FBXL13: variants seen among roughly 807,000 people sequenced by gnomAD.
The protein encoded by FBXL13 is F-box and leucine-rich repeat protein 13.
Under a neutral mutation model 83.6 loss-of-function variants are expected in FBXL13, and 67 were observed. The ratio of observed to expected loss-of-function variants is 0.80; its 90% CI spans 0.66 to 0.98. The LOEUF (loss-of-function observed/expected upper bound fraction) is 0.98, where lower values mean the gene tolerates loss of function less well. Among genes scored for constraint, FBXL13 ranks in the 50% least tolerant of loss-of-function variants. The pLI is 0.00. For synonymous variants in FBXL13, 272 were observed against 299.5 expected (o/e 0.91, Z 0.95); for missense variants, 822 against 866.5 (o/e 0.95, Z 0.64).
At chr7:102,847,143 G>A (rs953469359) in intron 17 of FBXL13, among the ~76,000 whole-genome samples, 1 of 151,756 alleles carries the variant, frequency 6.6e-6, no homozygotes, top group African/African-American at 2.4e-5. Context: ...GGGAAGTTGC[G>A]ACAGAGACTG....
At chr7:103,066,916 C>T (rs146523613) in intron 1 of FBXL13, among the ~76,000 whole-genome samples, 9 of 150,994 alleles carry the variant, frequency 6.0e-5, no homozygotes, top group African/African-American at 1.5e-4. Flanking sequence ...CTCAGCCACT[C>T]GAGTAGCTGG....
intron 6 of FBXL13, among the ~76,000 whole-genome samples, chr7:102,985,849 C>T (rs1828881436): frequency 6.6e-6 from 1 of 152,106 alleles, no homozygotes; most frequent in Non-Finnish European, 1.5e-5. Flanking sequence ...CTAATTTCAC[C>T]ACTACATTGC....
chr7:102,946,215 A>C (rs1358092376), intron 8 of FBXL13, among the ~76,000 whole-genome samples: 2 of 152,222 alleles, frequency 1.3e-5, no homozygotes, highest in African/African-American at 4.8e-5. Flanking sequence ...GCCAGACACC[A>C]TGCTAAGAGC....
At chr7:102,979,667 A>T (rs74991707) in intron 6 of FBXL13, among the ~76,000 whole-genome samples, 2,193 of 152,272 alleles carry the variant, frequency 0.014, 51 homozygotes, top group African/African-American at 0.049. Flanking sequence ...TTATTTCTTA[A>T]ACTGGGTGGT....
intron 16 of FBXL13, among the ~76,000 whole-genome samples, chr7:102,859,325 C>A (rs557227208): frequency 1.1e-3 from 168 of 152,198 alleles, no homozygotes; most frequent in African/African-American, 3.9e-3. Context: ...ATGCTGGTTA[C>A]AGGAGGCCAG....
At chr7:102,898,848 C>T (rs1469062084) in intron 11 of FBXL13, among the ~76,000 whole-genome samples, 1 of 152,146 alleles carries the variant, frequency 6.6e-6, no homozygotes, top group Non-Finnish European at 1.5e-5. Context: ...GTGATTTTCT[C>T]GAGTAAGGCT....
intron 6 of FBXL13, among the ~76,000 whole-genome samples, chr7:102,981,012 A>G (rs1347226113): frequency 6.6e-6 from 1 of 152,172 alleles, no homozygotes; most frequent in Non-Finnish European, 1.5e-5. Context: ...CAGCAATTAA[A>G]TGAGTTGTTG....
chr7:103,034,738 G>A lies in FBXL13; in HGVS notation c.1-5320C>T, dbSNP rs557485549. Among the ~76,000 whole-genome samples the A allele has an allele frequency of 3.1e-4, 48 of 152,382 alleles. No individual in the cohort carries two copies. The South Asian group carries it at 6.0e-3, about 19-fold the overall frequency. ...GGCGCCGAGAGCGAACGAGGGCTGCGAGGGCTGCCAGCACACTGTCACCTC... is the reference window on the plus strand; with the variant it reads ...GGCGCCGAGAGCGAACGAGGGCTGCAAGGGCTGCCAGCACACTGTCACCTC... On this transcript the variant is annotated intron_variant, in intron 2 of 19. Coordinates refer to ENST00000313221, the Ensembl canonical transcript of FBXL13.
intron 1 of FBXL13, among the ~76,000 whole-genome samples, chr7:103,057,189 C>A (rs530705489): frequency 6.6e-6 from 1 of 152,136 alleles, no homozygotes; most frequent in African/African-American, 2.4e-5. Flanking sequence ...TTTTACATAC[C>A]CCTCTGTATT....
At chr7:103,010,016 C>T (rs1046116104) in intron 6 of FBXL13, among the ~76,000 whole-genome samples, 6 of 152,232 alleles carry the variant, frequency 3.9e-5, no homozygotes, top group African/African-American at 1.4e-4. Flanking sequence ...GCATAGCTTC[C>T]TGTTGGCCCA....
chr7:103,020,472 C>G (rs888321337), intron 6 of FBXL13, among the ~76,000 whole-genome samples: 1 of 152,086 alleles, frequency 6.6e-6, no homozygotes, highest in East Asian at 1.9e-4. Context: ...AAGTTCTGGC[C>G]AGGGCAATCA....
At chr7:102,989,480 A>C (rs1304370008) in intron 6 of FBXL13, among the ~76,000 whole-genome samples, 1 of 151,988 alleles carries the variant, frequency 6.6e-6, no homozygotes. Context: ...CTCTCTCTCT[A>C]CCCCTCATAT....
chr7:102,906,802 GATT>G (rs1427959537), intron 11 of FBXL13, among the ~76,000 whole-genome samples: 1 of 152,136 alleles, frequency 6.6e-6, no homozygotes, highest in Admixed American at 6.6e-5. Flanking sequence ...TTGGGAGCTT[GATT>G]ATTAAATGCC....
At chr7:102,835,226 G>A (rs17136090) in intron 17 of FBXL13, among the ~76,000 whole-genome samples, 32,447 of 152,050 alleles carry the variant, frequency 0.21, 4,105 homozygotes, top group East Asian at 0.59. Context: ...CTGCATGAAA[G>A]TCTGTCTTGT....
At chr7:103,074,748 T>A, upstream of FBXL13, 1 of 1,289,804 alleles carries the variant, frequency 7.8e-7, no homozygotes, top group African/African-American at 1.5e-5. Flanking sequence ...CAGCCTCGGG[T>A]TGGCATTGCG....
chr7:102,910,276 T>G (rs1347597500), intron 11 of FBXL13, among the ~76,000 whole-genome samples: 1 of 152,198 alleles, frequency 6.6e-6, no homozygotes, highest in Admixed American at 6.5e-5. Flanking sequence ...GATTCAGGAC[T>G]ATTGTTTCTA....
chr7:103,027,576 G>C lies in FBXL13; in HGVS notation c.218-18C>G. ...TAGAATATCTGAAGGAAATTTACTAGATTACTGTATATATTAATAGTTATA... is the reference window on the plus strand; with the variant it reads ...TAGAATATCTGAAGGAAATTTACTACATTACTGTATATATTAATAGTTATA... On this transcript the variant is annotated intron_variant, in intron 4 of 19. Transcript: ENST00000313221. 6.7e-7 allele frequency: 1 copy of C among 1,487,308 alleles called. No homozygotes were observed. The highest frequency in any genetic ancestry group is 1.7e-5 in the Admixed American group (1 of 58,112). 92.1% of individuals were successfully genotyped at this position (1,487,308 alleles called of 1,614,324 possible). A position where few individuals can be genotyped will look rare whatever the true frequency, so the allele number is the denominator to read the frequency against.
chr7:102,884,864 A>G (rs1810589506), intron 11 of FBXL13, among the ~76,000 whole-genome samples: 1 of 152,100 alleles, frequency 6.6e-6, no homozygotes. Context: ...CCTATTCTGA[A>G]TATTTCATAT....
intron 6 of FBXL13, chr7:102,973,080 C>G (rs997679321): frequency 6.1e-6 from 1 of 164,492 alleles, no homozygotes; most frequent in African/African-American, 2.4e-5. Flanking sequence ...AAAATCTACA[C>G]TTTCAGGCAC....
Sources: gnomAD v4.1 joint callset for allele counts (sites outside exome capture counted in the v4.1 genomes callset) on GRCh38, gnomAD v4.1.1 for gene constraint, MANE v1.5 for transcripts, NCBI Gene and HGNC (gene_info 2026-07-23, HGNC 2026-07-21) for gene names.